Variants in LRP5 observed in about 807,000 individuals in gnomAD.
LRP5 encodes low-density lipoprotein receptor-related protein 5.
Under a neutral mutation model 154.1 loss-of-function variants are expected in LRP5, and 62 were observed. That is an observed-to-expected ratio of 0.40 (90% CI 0.33 to 0.50). LRP5 has a LOEUF of 0.50. Among genes scored for constraint, LRP5 ranks in the 20% least tolerant of loss-of-function variants. The probability of loss-of-function intolerance (pLI) is 0.55; values close to 1 mark genes in which losing one functional copy is unlikely to be tolerated. For missense variants in LRP5, 1,915 were observed against 2,336.7 expected (o/e 0.82, Z 3.72); for synonymous variants, 966 against 1,011.5 (o/e 0.96, Z 0.85).
chr11:68,334,543 C>T (rs568385229), intron 1 of LRP5, among the ~76,000 whole-genome samples: 1 of 152,254 alleles, frequency 6.6e-6, no homozygotes, highest in African/African-American at 2.4e-5. Flanking sequence ...CACACATGCA[C>T]AGAAATAGAG....
At chr11:68,299,227 G>A in the LRP5 span, among the ~76,000 whole-genome samples, 9 of 152,208 alleles carry the variant, frequency 5.9e-5, no homozygotes, top group African/African-American at 2.2e-4. Flanking sequence ...AAGCTGGAGG[G>A]AAGGGGCACG....
At position 68,438,649 on chromosome 11, in the gene LRP5, G is replaced by A. The variant is rs2098676415; in HGVS notation, c.4315G>A (p.Ala1439Thr). The change falls in exon 20 of 23, where the codon GCC becomes ACC. Residue 1439 changes from alanine to threonine, a missense_variant. Ala to Thr is a moderately conservative substitution (Grantham distance 58). Coordinates refer to ENST00000294304, the MANE Select transcript of LRP5 (RefSeq NM_002335.4). The part of the protein sequence containing the change: ...GTPHVPLNFI[A>T]PGGSQHGPFT... ...CCCGCACGTGCCCCTCAATTTCATA[G>A]CCCCGGGCGGTTCCCAGCATGGCCC... is the stretch of plus-strand genomic sequence containing the variant. 1 of 1,613,290 alleles carries A rather than the reference G, an allele frequency of 6.2e-7. No individual in the cohort carries two copies.
At chr11:68,308,788 G>A (rs1214935815), upstream of LRP5, among the ~76,000 whole-genome samples, 21 of 150,862 alleles carry the variant, frequency 1.4e-4, no homozygotes, top group African/African-American at 4.6e-4. Context: ...TTGCTCTGTC[G>A]CCCAGGCTGG....
intron 7 of LRP5, among the ~76,000 whole-genome samples, chr11:68,394,926 A>G (rs1026116452): frequency 6.6e-6 from 1 of 152,238 alleles, no homozygotes; most frequent in Non-Finnish European, 1.5e-5. Context: ...CGGAGGTCAC[A>G]TCCTTGGCTT....
At chr11:68,348,913 C>T (rs577256365) in intron 2 of LRP5, among the ~76,000 whole-genome samples, 62 of 150,890 alleles carry the variant, frequency 4.1e-4, no homozygotes, top group African/African-American at 1.5e-3. Flanking sequence ...CACTGCACTC[C>T]AGCCTGGGCG....
At chr11:68,389,445 C>T (rs1430508252) in intron 6 of LRP5, among the ~76,000 whole-genome samples, 1 of 152,210 alleles carries the variant, frequency 6.6e-6, no homozygotes, top group African/African-American at 2.4e-5. Flanking sequence ...TTTACTGACA[C>T]TGATATCTAC....
intron 20 of LRP5, among the ~76,000 whole-genome samples, chr11:68,439,433 G>T (rs903916619): frequency 3.3e-5 from 5 of 152,202 alleles, no homozygotes; most frequent in Non-Finnish European, 7.3e-5. Context: ...GCTCCTAGGA[G>T]CCCACAGTGG....
chr11:68,426,255 GC>G, intron 16 of LRP5, 68 bp downstream of exon 16: 1 of 1,379,942 alleles, frequency 7.2e-7, no homozygotes, highest in Non-Finnish European at 1.0e-6. Context: ...GAGGCTGGAG[GC>G]CAGTGCAAGA....
chr11:68,332,425 C>T (rs1469707978), intron 1 of LRP5, among the ~76,000 whole-genome samples: 2 of 152,234 alleles, frequency 1.3e-5, no homozygotes, highest in African/African-American at 4.8e-5. Flanking sequence ...GCACCGGGCC[C>T]TGCTCTGCAC....
chr11:68,446,289 G>T, intron 21 of LRP5, 147 bp from the exon 22 acceptor site: 1 of 690,616 alleles, frequency 1.4e-6, no homozygotes, highest in Non-Finnish European at 2.6e-6. Flanking sequence ...CCTGTCCCCA[G>T]GTTTTGCCAA....
the LRP5 span, among the ~76,000 whole-genome samples, chr11:68,305,102 A>G: frequency 1.3e-5 from 2 of 152,010 alleles, no homozygotes; most frequent in South Asian, 4.1e-4. Flanking sequence ...TGTCCCCCCA[A>G]ACCTCATGTT....
rs773523178 is a variant in LRP5 at position 68,423,587 on chromosome 11, C to T, written c.3126C>T (p.Cys1042=). The T allele has an allele frequency of 5.0e-6, 8 of 1,614,112 alleles. No homozygotes were observed. Among genetic ancestry groups the T allele is most frequent in the Admixed American group, 1.7e-5 (1 of 60,010 alleles). The change falls in exon 14 of 23, where the codon TGC becomes TGT. Residue 1042 remains cysteine, a synonymous_variant. Coordinates refer to ENST00000294304, the MANE Select transcript of LRP5 (RefSeq NM_002335.4). The surrounding 1 kb of genome is among the most constrained non-coding windows in gnomAD (Gnocchi z 4.7). Reference sequence around the variant, plus strand: ...ACAGCCGGACACTGTTCTGGACGTGCGAGGCCACCAATACCATCAACGTCC... The same window carrying T: ...ACAGCCGGACACTGTTCTGGACGTGTGAGGCCACCAATACCATCAACGTCC... ...DIYSRTLFWT[C]EATNTINVHR...
At chr11:68,359,790 GTTT>G (rs769629929) in intron 3 of LRP5, among the ~76,000 whole-genome samples, 1 of 138,390 alleles carries the variant, frequency 7.2e-6, no homozygotes. Flanking sequence ...TTGTTTGTTT[GTTT>G]TTTTTTTTTT....
chr11:68,342,014 C>T (rs2098609445), intron 1 of LRP5, among the ~76,000 whole-genome samples: 1 of 151,392 alleles, frequency 6.6e-6, no homozygotes. Flanking sequence ...GCCTGGGCTG[C>T]GTCTCCTCCT....
chr11:68,313,438 C>T (rs1461589099), intron 1 of LRP5, among the ~76,000 whole-genome samples: 5 of 152,094 alleles, frequency 3.3e-5, no homozygotes, highest in Non-Finnish European at 7.4e-5. Flanking sequence ...GTCGGCTACG[C>T]GGAGGTGACG....
intron 5 of LRP5, among the ~76,000 whole-genome samples, chr11:68,383,170 G>A (rs1198781327): frequency 2.6e-5 from 4 of 152,130 alleles, no homozygotes; most frequent in African/African-American, 7.2e-5. Context: ...GAGCCACCGC[G>A]CCCGGCCTAC....
Position 68,403,630 on chromosome 11 carries a change from C to T in LRP5, c.1732C>T (p.Arg578Trp), listed in dbSNP as rs765468063. The change falls in exon 8 of 23, where the codon CGG (arginine) becomes TGG (tryptophan). Residue 578 changes from arginine to tryptophan, a missense_variant. Arg to Trp is a moderately radical substitution (Grantham distance 101). Coordinates refer to ENST00000294304, the MANE Select transcript of LRP5 (RefSeq NM_002335.4). ...GCGGGTGCACAAGGTCAAGGCCAGC[C>T]GGGACGTCATCATTGACCAGCTGCC... ...IERVHKVKAS[R>W]DVIIDQLPDL... is the part of the protein sequence containing the mutation. 3.7e-6 allele frequency: 6 copies of T among 1,614,174 alleles called. No individual in the cohort carries two copies. The highest frequency in any genetic ancestry group is 4.5e-5 in the East Asian group (2 of 44,878).
rs1483225694 is a variant in LRP5, at chr11:68,423,612, C to T, written c.3151C>T (p.His1051Tyr). 6.2e-7 allele frequency: 1 copy of T among 1,614,214 alleles called. No individual in the cohort carries two copies. Among genetic ancestry groups the T allele is most frequent in the Non-Finnish European group, 8.5e-7 (1 of 1,180,018 alleles). ...CGAGGCCACCAATACCATCAACGTCCACAGGCTGAGCGGGGAAGCCATGGG... is the reference window on the plus strand; with the variant it reads ...CGAGGCCACCAATACCATCAACGTCTACAGGCTGAGCGGGGAAGCCATGGG... Reference protein sequence around the residue: ...TCEATNTINVHRLSGEAMGVV... With the variant: ...TCEATNTINVYRLSGEAMGVV... The change falls in exon 14 of 23, where the codon CAC becomes TAC. Residue 1051 changes from histidine (H) to tyrosine (Y), a missense_variant. This residue lies in a region of LRP5 where 1,094 missense variants were observed against 1,210.1 expected (regional missense o/e 0.90). Transcript: ENST00000294304. The surrounding 1 kb of genome is among the most constrained non-coding windows in gnomAD (Gnocchi z 4.7).
chr11:68,423,403 G>C lies in LRP5; in HGVS notation c.3028-86G>C. ...TGCCCGGGGGTCTCCACCAGTGCCCGGGGGTCTCCGCCAGTGCCAGGGGTC... is the reference window on the plus strand; with the variant it reads ...TGCCCGGGGGTCTCCACCAGTGCCCCGGGGTCTCCGCCAGTGCCAGGGGTC... On this transcript the variant is annotated intron_variant, in intron 13 of 22. Transcript: ENST00000294304. The surrounding 1 kb of genome is among the most constrained non-coding windows in gnomAD (Gnocchi z 4.7). 7.8e-7 allele frequency: 1 copy of C among 1,281,158 alleles called. No homozygotes were observed. The highest frequency in any genetic ancestry group is 1.1e-6 in the Non-Finnish European group (1 of 878,550). The allele number at this position is 1,281,158 out of a possible 1,614,324, so 79.4% of individuals were successfully genotyped here.
Sources: allele counts gnomAD v4.1 joint callset (sites outside exome capture counted in the v4.1 genomes callset), GRCh38; gene constraint gnomAD v4.1.1; regional missense constraint gnomAD v4.1.1; non-coding constraint Gnocchi (gnomAD v3.1); transcripts MANE v1.5; gene names NCBI Gene and HGNC (gene_info 2026-07-23, HGNC 2026-07-21).